Variants in KLF12 observed in about 807,000 individuals in gnomAD.
KLF12 encodes the protein Krueppel-like factor 12.
A neutral mutation model predicts 37.8 loss-of-function variants in KLF12; 9 were observed. That is an observed-to-expected ratio of 0.24 (90% CI 0.14 to 0.42). The LOEUF (loss-of-function observed/expected upper bound fraction) is 0.42. Among genes scored for constraint, KLF12 ranks in the 10% least tolerant of loss-of-function variants. The pLI is 1.00. For synonymous variants in KLF12, 208 were observed against 202.1 expected (o/e 1.03, Z -0.25); for missense variants, 411 against 516.0 (o/e 0.80, Z 1.97).
chr13:74,098,032 G>A (rs1305977773), intron 1 of KLF12, among the ~76,000 whole-genome samples: 1 of 152,012 alleles, frequency 6.6e-6, no homozygotes. Context: ...TACTAGCCTC[G>A]ACTATCAAAT....
At chr13:73,904,467 TCC>T (rs376446499) in intron 3 of KLF12, among the ~76,000 whole-genome samples, 13,217 of 107,070 alleles carry the variant, frequency 0.12, 1,234 homozygotes, top group African/African-American at 0.22. Context: ...TTTCTTTCTT[TCC>T]TTTTTTTTTT....
intron 4 of KLF12, among the ~76,000 whole-genome samples, chr13:73,839,136 A>C (rs1039770329): frequency 6.7e-6 from 1 of 149,576 alleles, no homozygotes; most frequent in Admixed American, 6.7e-5. Flanking sequence ...TCTGTCACCC[A>C]GGCTGGAGTG....
chr13:73,750,708 G>A (rs566746713), intron 6 of KLF12, among the ~76,000 whole-genome samples: 4 of 152,120 alleles, frequency 2.6e-5, no homozygotes, highest in African/African-American at 9.7e-5. Context: ...GTACCATGGT[G>A]ATTAGCTGCA....
At chr13:74,089,760 G>C (rs1269311571) in intron 1 of KLF12, among the ~76,000 whole-genome samples, 2 of 139,096 alleles carry the variant, frequency 1.4e-5, no homozygotes, top group African/African-American at 2.7e-5. Context: ...AATCAAACTA[G>C]GAATAGAAAG....
chr13:73,775,403 G>A (rs1880550912), intron 5 of KLF12, among the ~76,000 whole-genome samples: 1 of 152,110 alleles, frequency 6.6e-6, no homozygotes, highest in Non-Finnish European at 1.5e-5. Context: ...AAGTTTTGGG[G>A]AAATTTAGAT....
chr13:73,877,674 C>T (rs888499602), intron 3 of KLF12, among the ~76,000 whole-genome samples: 3 of 152,186 alleles, frequency 2.0e-5, no homozygotes, highest in Non-Finnish European at 4.4e-5. Flanking sequence ...CTCCTCCATA[C>T]TGCTGGAAGT....
At chr13:74,098,695 G>T (rs953696480) in intron 1 of KLF12, among the ~76,000 whole-genome samples, 2 of 152,140 alleles carry the variant, frequency 1.3e-5, no homozygotes, top group East Asian at 3.8e-4. Context: ...TAGCCAATAC[G>T]ACAAGAAAGA....
chr13:73,837,362 G>A (rs1884491303), intron 4 of KLF12, among the ~76,000 whole-genome samples: 1 of 152,178 alleles, frequency 6.6e-6, no homozygotes, highest in Admixed American at 6.5e-5. Context: ...GAAATCGACA[G>A]ATTGTAGGCA....
At chr13:73,997,547 G>GT (rs1404015906) in intron 1 of KLF12, among the ~76,000 whole-genome samples, 6 of 152,144 alleles carry the variant, frequency 3.9e-5, no homozygotes, top group African/African-American at 1.2e-4. Context: ...GGGGCCTTTA[G>GT]TTTTTCCCCC....
Position 74,114,669 on chromosome 13 carries a change from G to A in KLF12, c.-32+19070C>T, listed in dbSNP as rs143027499. 2.8e-3 allele frequency among the ~76,000 whole-genome samples: 433 copies of A among 152,182 alleles called. 1 individual carries two copies. Among genetic ancestry groups the A allele is most frequent in the Non-Finnish European group, 5.3e-3 (361 of 67,994 alleles). On this transcript the variant is annotated intron_variant, in intron 1 of 7. Coordinates refer to ENST00000377669, the MANE Select transcript of KLF12 (RefSeq NM_007249.5). ...ACACACTATTAAAATCTGAGATATG[G>A]CAGCATCAAGTTGTCAACGTGGGTT... is the stretch of plus-strand genomic sequence containing the variant.
rs372716969 is a variant in KLF12 at position 73,738,883 on chromosome 13, C to G, written c.870-23358G>C. ...AGGCCCCACCCATCTAACTGTGCCA[C>G]TATGGACAAGTAACTTAGGGCCTCA... On this transcript the variant is annotated intron_variant, in intron 6 of 7. Coordinates refer to ENST00000377669, the MANE Select transcript of KLF12 (RefSeq NM_007249.5). Among the ~76,000 whole-genome samples the G allele has an allele frequency of 6.1e-3, 926 of 152,244 alleles. 11 individuals are homozygous for G. The highest frequency in any genetic ancestry group is 0.021 in the African/African-American group (874 of 41,540).
intron 6 of KLF12, among the ~76,000 whole-genome samples, chr13:73,724,816 T>G (rs1876538221): frequency 6.6e-6 from 1 of 152,178 alleles, no homozygotes; most frequent in Admixed American, 6.5e-5. Context: ...AGCTAAACAG[T>G]GGGTTTCTTG....
At chr13:73,791,042 G>A (rs1042398254) in intron 5 of KLF12, among the ~76,000 whole-genome samples, 15 of 152,080 alleles carry the variant, frequency 9.9e-5, no homozygotes, top group African/African-American at 3.1e-4. Context: ...TCTGCATTTC[G>A]AATTCACCAG....
chr13:73,971,313 T>G (rs1891330671), intron 2 of KLF12, among the ~76,000 whole-genome samples: 1 of 152,260 alleles, frequency 6.6e-6, no homozygotes, highest in Non-Finnish European at 1.5e-5. Flanking sequence ...TCCAAAAACA[T>G]TAACTTCCTT....
rs533809613 is a variant in KLF12 at position 74,042,113 on chromosome 13, G to T, written c.-31-47060C>A. ...TAGGTGAGGAGTTCAAGACCAGCCT[G>T]CCCAACATGGTAAAACCCCATCTCC... On this transcript the variant is annotated intron_variant, in intron 1 of 7. Transcript: ENST00000377669. Among the ~76,000 whole-genome samples, 16 of 152,100 alleles carry T rather than the reference G, an allele frequency of 1.1e-4. No homozygotes were observed. In the East Asian group the frequency reaches 2.9e-3, roughly 28 times the overall value.
At chr13:73,894,780 C>T (rs1887682633) in intron 3 of KLF12, among the ~76,000 whole-genome samples, 3 of 152,090 alleles carry the variant, frequency 2.0e-5, no homozygotes, top group Admixed American at 6.5e-5. Flanking sequence ...TGACTTTTTC[C>T]ATTAAATATA....
At chr13:73,866,827 C>T (rs900548621) in intron 3 of KLF12, among the ~76,000 whole-genome samples, 4 of 145,242 alleles carry the variant, frequency 2.8e-5, no homozygotes, top group Non-Finnish European at 4.4e-5. Context: ...TCTTGCTAGG[C>T]TAATAATATA....
intron 1 of KLF12, among the ~76,000 whole-genome samples, chr13:74,034,569 A>C (rs373988121): frequency 4.1e-4 from 63 of 152,356 alleles, no homozygotes; most frequent in African/African-American, 1.4e-3. Context: ...GAAGTAGTCA[A>C]ATTCCAACTT....
the KLF12 span, among the ~76,000 whole-genome samples, chr13:74,177,581 C>A: frequency 6.6e-6 from 1 of 151,902 alleles, no homozygotes; most frequent in Non-Finnish European, 1.5e-5. Flanking sequence ...TATGGGAAGT[C>A]ACTTTATTAT....
Sources: gnomAD v4.1 joint callset for allele counts (sites outside exome capture counted in the v4.1 genomes callset) on GRCh38, gnomAD v4.1.1 for gene constraint, MANE v1.5 for transcripts, NCBI Gene and HGNC (gene_info 2026-07-23, HGNC 2026-07-21) for gene names.